The following CPE variants were observed in gnomAD, a reference collection of about 807,000 sequenced individuals.
The protein encoded by CPE is carbocypeptidase E.
A neutral mutation model predicts 53.5 loss-of-function variants in CPE; 17 were observed. The ratio of observed to expected loss-of-function variants is 0.32; its 90% CI spans 0.22 to 0.48. The LOEUF is 0.48. Among genes scored for constraint, CPE ranks in the 20% least tolerant of loss-of-function variants. The pLI, the probability that CPE is intolerant of heterozygous loss-of-function variation, is 0.99. For missense variants in CPE, 524 were observed against 614.7 expected (o/e 0.85, Z 1.56); for synonymous variants, 226 against 228.8 (o/e 0.99, Z 0.11).
intron 6 of CPE, among the ~76,000 whole-genome samples, chr4:165,491,042 A>G (rs1249196385): frequency 2.6e-5 from 4 of 152,204 alleles, no homozygotes; most frequent in African/African-American, 7.2e-5. Context: ...CAGCCCATAC[A>G]CTTCTACTGA....
At chr4:165,475,947 G>T (rs1732291820) in intron 3 of CPE, among the ~76,000 whole-genome samples, 1 of 152,142 alleles carries the variant, frequency 6.6e-6, no homozygotes, top group African/African-American at 2.4e-5. Context: ...GCATACAGGG[G>T]TTGAGTACCT....
At chr4:165,425,659 CA>C (rs35754302) in intron 1 of CPE, among the ~76,000 whole-genome samples, 37,200 of 146,170 alleles carry the variant, frequency 0.25, 5,122 homozygotes, top group African/African-American at 0.38. Context: ...AATATTTCCT[CA>C]AAAAAAAAAA....
At chr4:165,467,886 C>T (rs776120236) in intron 3 of CPE, 31 bp downstream of exon 3, 44 of 1,604,836 alleles carry the variant, frequency 2.7e-5, no homozygotes, top group South Asian at 1.2e-4. Context: ...TTCTTGGGTT[C>T]GTCTCTAGCC....
chr4:165,430,616 T>G (rs10019052), intron 1 of CPE, among the ~76,000 whole-genome samples: 44,732 of 151,776 alleles, frequency 0.29, 6,643 homozygotes, highest in Middle Eastern at 0.39. Flanking sequence ...GCACTTCATG[T>G]TGGAATTTGA....
At chr4:165,408,021 G>A (rs746745038) in intron 1 of CPE, among the ~76,000 whole-genome samples, 1 of 152,050 alleles carries the variant, frequency 6.6e-6, no homozygotes, top group Non-Finnish European at 1.5e-5. Context: ...TCTTATTATT[G>A]TTGAGTTGTA....
At chr4:165,395,829 A>G (rs1353248664) in intron 1 of CPE, among the ~76,000 whole-genome samples, 1 of 152,216 alleles carries the variant, frequency 6.6e-6, no homozygotes, top group Non-Finnish European at 1.5e-5. Flanking sequence ...ATAGAATTAC[A>G]AAAAACCCCC....
chr4:165,457,067 T>A (rs1329489799), intron 1 of CPE, among the ~76,000 whole-genome samples: 1 of 152,174 alleles, frequency 6.6e-6, no homozygotes. Flanking sequence ...TTATTGTGTT[T>A]CAAAATTCTG....
At chr4:165,435,332 G>T (rs145046852) in intron 1 of CPE, among the ~76,000 whole-genome samples, 24 of 152,016 alleles carry the variant, frequency 1.6e-4, no homozygotes, top group Non-Finnish European at 2.8e-4. Flanking sequence ...AAATGCTAAT[G>T]CCTTTCAGGC....
At chr4:165,393,533 A>G (rs986774224) in intron 1 of CPE, among the ~76,000 whole-genome samples, 2 of 152,230 alleles carry the variant, frequency 1.3e-5, no homozygotes, top group East Asian at 3.8e-4. Context: ...GTTGAGCTTC[A>G]GAGAGACATT....
At chr4:165,484,079 A>G (rs549524243) in intron 4 of CPE, among the ~76,000 whole-genome samples, 99 of 152,312 alleles carry the variant, frequency 6.5e-4, no homozygotes, top group African/African-American at 2.3e-3. Flanking sequence ...TGAGGTTAGT[A>G]TAGGTACATT....
chr4:165,426,192 C>A (rs1731315054), intron 1 of CPE, among the ~76,000 whole-genome samples: 1 of 152,052 alleles, frequency 6.6e-6, no homozygotes, highest in South Asian at 2.1e-4. Context: ...AAATACTGTT[C>A]CTTCAAGAAG....
chr4:165,414,330 T>C (rs1312417322), intron 1 of CPE, among the ~76,000 whole-genome samples: 1 of 152,170 alleles, frequency 6.6e-6, no homozygotes, highest in Admixed American at 6.5e-5. Context: ...AAAGCAAAGG[T>C]ATACATTTTT....
intron 2 of CPE, among the ~76,000 whole-genome samples, chr4:165,465,448 T>C (rs550176869): frequency 3.9e-5 from 6 of 152,140 alleles, no homozygotes; most frequent in African/African-American, 1.4e-4. Flanking sequence ...TTTAAGGTAA[T>C]ATTCAGAATT....
In CPE at chr4:165,379,551, G is replaced by A. The variant is rs1355384270; in HGVS notation, c.307+23G>A. 1.4e-6 allele frequency: 2 copies of A among 1,434,070 alleles called. No individual in the cohort carries two copies. Among genetic ancestry groups the A allele is most frequent in the East Asian group, 5.8e-5 (2 of 34,764 alleles). The allele number at this position is 1,434,070 out of a possible 1,614,324, so 88.8% of individuals were successfully genotyped here. On this transcript the variant is annotated intron_variant, in intron 1 of 8. Transcript: ENST00000402744. The surrounding 1 kb of genome is among the most constrained non-coding windows in gnomAD (Gnocchi z 6.0). Reference sequence around the variant, plus strand: ...CTGGTAAGGGCGCTGCCCCCTGACAGCCCTGGGGGCATCCCGGAGGGGGGC... The same window carrying A: ...CTGGTAAGGGCGCTGCCCCCTGACAACCCTGGGGGCATCCCGGAGGGGGGC...
chr4:165,412,940 C>T (rs1731064005), intron 1 of CPE, among the ~76,000 whole-genome samples: 3 of 152,192 alleles, frequency 2.0e-5, no homozygotes, highest in African/African-American at 7.2e-5. Context: ...CTGCTTAATT[C>T]CCTGCAGGTG....
At chr4:165,484,158 A>G (rs1724855259) in intron 4 of CPE, among the ~76,000 whole-genome samples, 1 of 152,122 alleles carries the variant, frequency 6.6e-6, no homozygotes, top group Non-Finnish European at 1.5e-5. Flanking sequence ...CTATGACTTT[A>G]TTACCTTTCC....
At chr4:165,444,760 T>C (rs1731676382) in intron 1 of CPE, among the ~76,000 whole-genome samples, 1 of 152,210 alleles carries the variant, frequency 6.6e-6, no homozygotes, top group Non-Finnish European at 1.5e-5. Flanking sequence ...GAGAGATTCA[T>C]CTTGGGCTGT....
intron 1 of CPE, among the ~76,000 whole-genome samples, chr4:165,455,494 A>G (rs1731885139): frequency 6.6e-6 from 1 of 152,254 alleles, no homozygotes; most frequent in African/African-American, 2.4e-5. Flanking sequence ...GATAACTATT[A>G]TAGCACTTTA....
At chr4:165,383,599 T>C (rs1730538644) in intron 1 of CPE, among the ~76,000 whole-genome samples, 1 of 152,258 alleles carries the variant, frequency 6.6e-6, no homozygotes, top group Non-Finnish European at 1.5e-5. Flanking sequence ...TCTCAAAGGC[T>C]GGAATGATTA....
Sources: allele counts gnomAD v4.1 joint callset (sites outside exome capture counted in the v4.1 genomes callset), GRCh38; gene constraint gnomAD v4.1.1; non-coding constraint Gnocchi (gnomAD v3.1); transcripts MANE v1.5; gene names NCBI Gene and HGNC (gene_info 2026-07-23, HGNC 2026-07-21).